Variants in SPATA31A6 observed in about 807,000 individuals in gnomAD.
SPATA31A6 encodes spermatogenesis-associated protein 31A6.
Under a neutral mutation model 11.9 loss-of-function variants are expected in SPATA31A6, and 9 were observed. The ratio of observed to expected loss-of-function variants is 0.76; its 90% confidence interval spans 0.46 to 1.32. The LOEUF (loss-of-function observed/expected upper bound fraction) is 1.32. SPATA31A6 is among the 40% of genes most tolerant of loss of function. The pLI is 0.00. For synonymous variants in SPATA31A6, 314 were observed against 572.1 expected (o/e 0.55, Z 6.44); for missense variants, 855 against 1,467.3 (o/e 0.58, Z 6.82).
Position 42,183,746 on chromosome 9 carries a change from G to A in SPATA31A6, c.59G>A (p.Ser20Asn). 2.0e-6 allele frequency: 3 copies of A among 1,535,256 alleles called. No homozygotes were observed. The highest frequency in any genetic ancestry group is 2.6e-6 in the Non-Finnish European group (3 of 1,137,622). ...LLSASSLNAPSSTPWVLDIFL... is the reference protein window; with the variant it reads ...LLSASSLNAPNSTPWVLDIFL... ...AGTGCCTCATCGCTAAACGCCCCCA[G>A]CTCCACACCATGGGTGTTGGATATC... The change falls in exon 1 of 4, where the codon AGC (serine) becomes AAC (asparagine). Residue 20 changes from serine (S) to asparagine (N), a missense_variant. By Grantham distance (46) the Ser-to-Asn change is conservative. Coordinates refer to ENST00000332857, the MANE Select transcript of SPATA31A6 (RefSeq NM_001145196.1).
Position 42,187,322 on chromosome 9 carries a change from A to G in SPATA31A6, c.1620A>G (p.Glu540=), listed in dbSNP as rs752000178. ...ALSLPETQHP[E]WPLLRKQLEG... is the part of the protein sequence containing the mutation. ...CCCTACCTGAAACTCAGCACCCTGA[A>G]TGGCCTTTGTTGAGGAAACAACTAG... The change falls in exon 4 of 4, where the codon GAA becomes GAG. Residue 540 remains glutamate (E), a synonymous_variant. Transcript: ENST00000332857. The G allele has an allele frequency of 6.8e-5, 104 of 1,539,946 alleles. 15 individuals are homozygous for G. Among genetic ancestry groups the G allele is most frequent in the Non-Finnish European group, 8.4e-5 (95 of 1,137,526 alleles).
intron 1 of SPATA31A6, among the ~76,000 whole-genome samples, chr9:42,184,439 CTGTGTGTGTGTGTGTGTGTGTG>C (rs71364261): frequency 9.8e-6 from 1 of 101,986 alleles, no homozygotes; most frequent in East Asian, 3.0e-4. Context: ...GAAAATCCCT[CTGTGTGTGTGTGTGTGTGTGTG>C]TGTGTGTGTG....
rs750417191 is a variant in SPATA31A6, at chr9:42,183,774, C to G, written c.87C>G (p.Phe29Leu). The change falls in exon 1 of 4, where the codon TTC becomes TTG. Residue 29 changes from phenylalanine (F) to leucine (L), a missense_variant. Phe to Leu is a conservative substitution (Grantham distance 22, BLOSUM62 0). Transcript: ENST00000332857. The part of the protein sequence containing the change: ...PSSTPWVLDI[F>L]LTLVFALGFF... Reference sequence around the variant, plus strand: ...CCACACCATGGGTGTTGGATATCTTCCTCACCTTGGTGTTTGCCCTGGGGT... The same window carrying G: ...CCACACCATGGGTGTTGGATATCTTGCTCACCTTGGTGTTTGCCCTGGGGT... The G allele has an allele frequency of 5.7e-5, 87 of 1,535,794 alleles. 18 individuals are homozygous for G. The Admixed American group carries it at 7.4e-4, about 13-fold the overall frequency.
rs1829481122 is a variant in SPATA31A6, at chr9:42,187,432, T to C, written c.1730T>C (p.Leu577Ser). 6.6e-7 allele frequency: 1 copy of C among 1,524,498 alleles called. No homozygotes were observed. The highest frequency in any genetic ancestry group is 8.8e-7 in the Non-Finnish European group (1 of 1,133,766). The allele number at this position is 1,524,498 out of a possible 1,614,324, so 94.4% of individuals were successfully genotyped here. A position where few individuals can be genotyped will look rare whatever the true frequency, so the allele number is the denominator to read the frequency against. The change falls in exon 4 of 4, where the codon TTG becomes TCG. Residue 577 changes from leucine to serine, a missense_variant. Transcript: ENST00000332857. ...VSTPNLPQES[L>S]TSILPENFPV... Reference sequence around the variant, plus strand: ...ACTCCTAACCTTCCCCAGGAAAGTTTGACATCCATTCTGCCTGAGAACTTT... The same window carrying C: ...ACTCCTAACCTTCCCCAGGAAAGTTCGACATCCATTCTGCCTGAGAACTTT...
At chr9:42,184,975 G>A in intron 1 of SPATA31A6, 94 bp from the exon 2 acceptor site, 3 of 1,407,454 alleles carry the variant, frequency 2.1e-6, no homozygotes, top group South Asian at 2.5e-5. Flanking sequence ...AGCAGAGAGG[G>A]AGAGCCAGTC....
At position 42,184,635 on chromosome 9, in the gene SPATA31A6, T is replaced by G. The variant is rs1244467979; in HGVS notation, c.190-434T>G. Among the ~76,000 whole-genome samples, 2 of 135,956 alleles carry G rather than the reference T, an allele frequency of 1.5e-5. 1 individual carries two copies. The highest frequency in any genetic ancestry group is 6.0e-5 in the African/African-American group (2 of 33,154). The allele number at this position is 135,956 out of a possible 152,430, so 89.2% of individuals were successfully genotyped here. A position where few individuals can be genotyped will look rare whatever the true frequency, so the allele number is the denominator to read the frequency against. ...ACCTCTGCTTCCCGAGTTCAAGCGA[T>G]TCTCCTGTCTTAGCGTCCTGAATAG... On this transcript the variant is annotated intron_variant, in intron 1 of 3. Coordinates refer to ENST00000332857, the MANE Select transcript of SPATA31A6 (RefSeq NM_001145196.1).
At position 42,189,797 on chromosome 9, in the gene SPATA31A6, T is replaced by C; in HGVS notation, c.*63T>C. 2 of 1,302,750 alleles carry C rather than the reference T, an allele frequency of 1.5e-6. 1 individual carries two copies. The highest frequency in any genetic ancestry group is 2.0e-6 in the Non-Finnish European group (2 of 982,526). The allele number at this position is 1,302,750 out of a possible 1,614,324, so 80.7% of individuals were successfully genotyped here. On this transcript the variant is annotated 3_prime_UTR_variant, in exon 4 of 4. Transcript: ENST00000332857. ...AGAAAAACAAGTCCCCAAGAAAAAA[T>C]TCACTCTATGTAGAGAAAAAATATT...
rs2778774 is a variant in SPATA31A6, at chr9:42,185,058, A to C, written c.190-11A>C. 1.3e-6 allele frequency: 2 copies of C among 1,535,266 alleles called. No individual in the cohort carries two copies. Among genetic ancestry groups the C allele is most frequent in the African/African-American group, 1.6e-5 (1 of 63,096 alleles). On this transcript the variant is annotated splice_polypyrimidine_tract_variant and intron_variant, in intron 1 of 3. Coordinates refer to ENST00000332857, the MANE Select transcript of SPATA31A6 (RefSeq NM_001145196.1). ...CGTCATCTTGTCTCCGTACGTCATCATGTCTCCCAGTGTCCAGTAGGGCGG... is the reference window on the plus strand; with the variant it reads ...CGTCATCTTGTCTCCGTACGTCATCCTGTCTCCCAGTGTCCAGTAGGGCGG...
In SPATA31A6 at chr9:42,187,215, G is replaced by A. The variant is rs1829475049; in HGVS notation, c.1513G>A (p.Val505Ile). 6.5e-7 allele frequency: 1 copy of A among 1,543,084 alleles called. No individual in the cohort carries two copies. Among genetic ancestry groups the A allele is most frequent in the African/African-American group, 1.5e-5 (1 of 65,282 alleles). Residue 505 changes from valine (V) to isoleucine (I), a missense_variant, in exon 4 of 4, where the codon GTC becomes ATC. Physicochemically the swap from Val to Ile is conservative, Grantham distance 29. Coordinates refer to ENST00000332857, the MANE Select transcript of SPATA31A6 (RefSeq NM_001145196.1). ...AQAHLQSSFP[V>I]LSPAFPSLIK... ...GGCCCATCTTCAGTCTTCTTTCCCA[G>A]TCCTATCTCCTGCTTTTCCATCCCT...
Position 42,189,340 on chromosome 9 carries a change from T to A in SPATA31A6, c.3638T>A (p.Leu1213Gln), listed in dbSNP as rs747231417. 1.3e-6 allele frequency: 2 copies of A among 1,542,622 alleles called. No homozygotes were observed. Among genetic ancestry groups the A allele is most frequent in the Admixed American group, 3.5e-5 (2 of 56,994 alleles). Reference protein sequence around the residue: ...QGLMTAVGQMLDKKMSLCHAH... With the variant: ...QGLMTAVGQMQDKKMSLCHAH... ...CTCATGACGGCAGTTGGACAAATGC[T>A]GGACAAGAAAATGTCACTTTGCCAT... Residue 1213 changes from leucine to glutamine, a missense_variant, in exon 4 of 4, where the codon CTG (leucine) becomes CAG (glutamine). Coordinates refer to ENST00000332857, the MANE Select transcript of SPATA31A6 (RefSeq NM_001145196.1).
rs1438828995 is a variant in SPATA31A6 at position 42,183,892 on chromosome 9, T to C, written c.189+16T>C. 6.5e-7 allele frequency: 1 copy of C among 1,528,814 alleles called. No individual in the cohort carries two copies. Among genetic ancestry groups the C allele is most frequent in the South Asian group, 1.2e-5 (1 of 86,532 alleles). 94.7% of individuals were successfully genotyped at this position (1,528,814 alleles called of 1,614,324 possible). A position where few individuals can be genotyped will look rare whatever the true frequency, so the allele number is the denominator to read the frequency against. The stretch of plus-strand genomic sequence containing the variant: ...GAAGAGAAAGGTAAGGAACCCTCAG[T>C]CCCGACCCACAGAGCTTGATTCTCT... On this transcript the variant is annotated intron_variant, in intron 1 of 3. Transcript: ENST00000332857.
At position 42,184,650 on chromosome 9, in the gene SPATA31A6, G is replaced by A. The variant is rs891489736; in HGVS notation, c.190-419G>A. 9.6e-5 allele frequency among the ~76,000 whole-genome samples: 13 copies of A among 135,220 alleles called. 1 individual carries two copies. The highest frequency in any genetic ancestry group is 1.9e-4 in the Non-Finnish European group (12 of 64,178). The allele number at this position is 135,220 out of a possible 152,430, so 88.7% of individuals were successfully genotyped here. A position where few individuals can be genotyped will look rare whatever the true frequency, so the allele number is the denominator to read the frequency against. ...GTTCAAGCGATTCTCCTGTCTTAGC[G>A]TCCTGAATAGCTGGGGATTACAGGC... On this transcript the variant is annotated intron_variant, in intron 1 of 3. Coordinates refer to ENST00000332857, the MANE Select transcript of SPATA31A6 (RefSeq NM_001145196.1).
chr9:42,187,624 C>T lies in SPATA31A6; in HGVS notation c.1922C>T (p.Ser641Phe), dbSNP rs1412994022. 2 of 1,241,632 alleles carry T rather than the reference C, an allele frequency of 1.6e-6. 1 individual carries two copies. 76.9% of individuals were successfully genotyped at this position (1,241,632 alleles called of 1,614,324 possible). Reference sequence around the variant, plus strand: ...AAGGGCAAACCCAGTCCCTGGCAGTCCTCCACGTCCACAGGTGAAAGCAGC... The same window carrying T: ...AAGGGCAAACCCAGTCCCTGGCAGTTCTCCACGTCCACAGGTGAAAGCAGC... ...QAKGKPSPWQ[S>F]STSTGESSKE... The change falls in exon 4 of 4, where the codon TCC becomes TTC. Residue 641 changes from serine (S) to phenylalanine (F), a missense_variant. Coordinates refer to ENST00000332857, the MANE Select transcript of SPATA31A6 (RefSeq NM_001145196.1).
chr9:42,184,439 C>CTGTGTGTG lies in SPATA31A6; in HGVS notation c.190-594_190-587dup, dbSNP rs71364261. On this transcript the variant is annotated intron_variant, in intron 1 of 3. Coordinates refer to ENST00000332857, the MANE Select transcript of SPATA31A6 (RefSeq NM_001145196.1). ...GGTGGACCTCATATTGAAAATCCCT[C>CTGTGTGTG]TGTGTGTGTGTGTGTGTGTGTGTGT... Among the ~76,000 whole-genome samples the CTGTGTGTG allele has an allele frequency of 3.6e-3, 364 of 102,052 alleles. 29 individuals carry two copies. The highest frequency in any genetic ancestry group is 0.011 in the African/African-American group (261 of 22,816). 67.0% of individuals were successfully genotyped at this position (102,052 alleles called of 152,430 possible).
rs1168288347 is a variant in SPATA31A6, at chr9:42,184,246, G to A, written c.189+370G>A. 3.7e-5 allele frequency among the ~76,000 whole-genome samples: 5 copies of A among 135,116 alleles called. 1 individual carries two copies. The highest frequency in any genetic ancestry group is 1.5e-4 in the African/African-American group (5 of 33,542). The allele number at this position is 135,116 out of a possible 152,430, so 88.6% of individuals were successfully genotyped here. ...GGTGGCTCAGGGCCCAGCCTCCCCT[G>A]TGTGGGGTGATCTGGGGCCTGTGCT... On this transcript the variant is annotated intron_variant, in intron 1 of 3. Transcript: ENST00000332857.
rs777374121 is a variant in SPATA31A6, at chr9:42,187,355, G to A, written c.1653G>A (p.Arg551=). ...WPLLRKQLEG[R]LALPSRVQKS... Reference sequence around the variant, plus strand: ...TGTTGAGGAAACAACTAGAAGGTAGGTTGGCTTTACCCTCTAGGGTCCAAA... The same window carrying A: ...TGTTGAGGAAACAACTAGAAGGTAGATTGGCTTTACCCTCTAGGGTCCAAA... Residue 551 remains arginine, a synonymous_variant, in exon 4 of 4, where the codon AGG becomes AGA. Transcript: ENST00000332857. The A allele has an allele frequency of 3.1e-5, 48 of 1,537,024 alleles. 8 individuals are homozygous for A. The highest frequency in any genetic ancestry group is 3.8e-5 in the Non-Finnish European group (43 of 1,136,786).
In SPATA31A6 at chr9:42,186,905, T is replaced by C; in HGVS notation, c.1203T>C (p.Pro401=). The change falls in exon 4 of 4, where the codon CCT becomes CCC. Residue 401 remains proline (P), a synonymous_variant. Coordinates refer to ENST00000332857, the MANE Select transcript of SPATA31A6 (RefSeq NM_001145196.1). The part of the protein sequence containing the change: ...QLPGPQKCSD[P]RLLQESFWKN... ...CCGGACCTCAGAAGTGCTCAGATCC[T>C]AGGCTCTTGCAGGAAAGTTTTTGGA... The C allele has an allele frequency of 6.5e-7, 1 of 1,539,450 alleles. No individual in the cohort carries two copies. Among genetic ancestry groups the C allele is most frequent in the Non-Finnish European group, 8.8e-7 (1 of 1,142,494 alleles).
chr9:42,185,067 A>T lies in SPATA31A6; in HGVS notation c.190-2A>T, dbSNP rs1182449246. On this transcript the variant is annotated splice_acceptor_variant, in intron 1 of 3. Transcript: ENST00000332857. LOFTEE classifies it high-confidence loss of function. Reference sequence around the variant, plus strand: ...GTCTCCGTACGTCATCATGTCTCCCAGTGTCCAGTAGGGCGGAGGCGGAGG... The same window carrying T: ...GTCTCCGTACGTCATCATGTCTCCCTGTGTCCAGTAGGGCGGAGGCGGAGG... The T allele has an allele frequency of 5.2e-6, 8 of 1,537,748 alleles. 1 individual carries two copies. Among genetic ancestry groups the T allele is most frequent in the Non-Finnish European group, 7.0e-6 (8 of 1,136,324 alleles).
chr9:42,189,132 G>A lies in SPATA31A6; in HGVS notation c.3430G>A (p.Val1144Ile), dbSNP rs532278354. 9.8e-5 allele frequency: 152 copies of A among 1,545,048 alleles called. 18 individuals carry two copies. The highest frequency in any genetic ancestry group is 4.7e-4 in the Middle Eastern group (2 of 4,290). The stretch of plus-strand genomic sequence containing the variant: ...AGAAGACACCCATCAGGATGAAGGC[G>A]TCCAGCTACTGCCATCAAAGAAACA... ...KTEDTHQDEG[V>I]QLLPSKKQPP... The change falls in exon 4 of 4, where the codon GTC becomes ATC. Residue 1144 changes from valine (V) to isoleucine (I), a missense_variant. Coordinates refer to ENST00000332857, the MANE Select transcript of SPATA31A6 (RefSeq NM_001145196.1).
Sources: allele counts gnomAD v4.1 joint callset (sites outside exome capture counted in the v4.1 genomes callset), GRCh38; gene constraint gnomAD v4.1.1; transcripts MANE v1.5; gene names NCBI Gene and HGNC (gene_info 2026-07-23, HGNC 2026-07-21).